The following ZDHHC19 variants were observed in gnomAD, a reference collection of about 807,000 sequenced individuals.
ZDHHC19 encodes zDHHC palmitoyltransferase 19.
A neutral mutation model predicts 33.9 loss-of-function variants in ZDHHC19; 30 were observed. The ratio of observed to expected loss-of-function variants is 0.88; its 90% CI spans 0.66 to 1.20. The LOEUF is 1.20. ZDHHC19 is among the 50% of genes most tolerant of loss of function. ZDHHC19 has a pLI of 0.00. For missense variants in ZDHHC19, 364 were observed against 401.1 expected, an observed-to-expected ratio of 0.91 and a Z score of 0.79; for synonymous variants, 178 against 167.6, an observed-to-expected ratio of 1.06 and a Z score of -0.48.
chr3:196,207,212 A>T (rs1009588354), intron 5 of ZDHHC19, among the ~76,000 whole-genome samples, 186 bp downstream of exon 5: 1 of 152,208 alleles, frequency 6.6e-6, no homozygotes, highest in Non-Finnish European at 1.5e-5. Context: ...GGCCCCCAGG[A>T]AGGACAGGGA....
chr3:196,206,531 T>C (rs189195995), intron 5 of ZDHHC19, among the ~76,000 whole-genome samples: 261 of 152,178 alleles, frequency 1.7e-3, no homozygotes, highest in African/African-American at 5.7e-3. Context: ...TTTTTAATTT[T>C]TTGTAGAGAT....
At chr3:196,204,765 C>T (rs759940230) in intron 5 of ZDHHC19, among the ~76,000 whole-genome samples, 4 of 152,132 alleles carry the variant, frequency 2.6e-5, no homozygotes, top group African/African-American at 9.7e-5. Flanking sequence ...GGTAGGAATG[C>T]AAAATAGTAC....
Position 196,198,834 on chromosome 3 carries a change from C to T in ZDHHC19, c.728G>A (p.Cys243Tyr). 7 of 1,614,134 alleles carry T rather than the reference C, an allele frequency of 4.3e-6. No homozygotes were observed. The highest frequency in any genetic ancestry group is 5.9e-6 in the Non-Finnish European group (7 of 1,179,998). Residue 243 changes from cysteine to tyrosine, a missense_variant, in exon 6 of 8, where the codon TGT (cysteine) becomes TAT (tyrosine). Transcript: ENST00000296326. ...LQGYNPFDQG[C>Y]ASNWYLTICA... ...AATTGTTAAATACCAGTTGCTGGCA[C>T]AGCCCTGGTCGAAGGGGTTGTATCC...
intron 5 of ZDHHC19, among the ~76,000 whole-genome samples, chr3:196,206,775 G>T (rs112212659): frequency 2.7e-5 from 4 of 149,282 alleles, no homozygotes; most frequent in African/African-American, 9.9e-5. Context: ...CCGCCTCTCC[G>T]GTTCACGCCA....
intron 5 of ZDHHC19, among the ~76,000 whole-genome samples, chr3:196,201,028 G>A (rs1722296605): frequency 6.6e-6 from 1 of 151,754 alleles, no homozygotes; most frequent in Non-Finnish European, 1.5e-5. Flanking sequence ...ATAGAAAAAT[G>A]CTTAAAGGAA....
chr3:196,205,724 T>A lies in ZDHHC19; in HGVS notation c.687+1674A>T, dbSNP rs567217329. Among the ~76,000 whole-genome samples the A allele has an allele frequency of 3.9e-5, 6 of 152,222 alleles. No individual in the cohort carries two copies. In the South Asian group the frequency reaches 1.2e-3, roughly 32 times the overall value. On this transcript the variant is annotated intron_variant, in intron 5 of 7. Coordinates refer to ENST00000296326, the MANE Select transcript of ZDHHC19 (RefSeq NM_001039617.2). ...TCTCCCAAGCTGGAGTGCAGTGGCA[T>A]GATCTCAGCTCACTGCAGCTTCTGC...
At chr3:196,199,788 AC>A (rs1722103714) in intron 5 of ZDHHC19, 2 of 151,868 alleles carry the variant, frequency 1.3e-5, no homozygotes, top group Admixed American at 1.3e-4. Flanking sequence ...TACTAAAAAT[AC>A]AAAAAATTAG....
In ZDHHC19 at chr3:196,199,806, G is replaced by C. The variant is rs11922691; in HGVS notation, c.688-932C>G. On this transcript the variant is annotated intron_variant, in intron 5 of 7. Transcript: ENST00000296326. ...TAAAAATACAAAAAATTAGCCAGGC[G>C]TGGTGGCGGGTGCCTGTGATCCCAG... Among the ~76,000 whole-genome samples, 5 of 151,712 alleles carry C rather than the reference G, an allele frequency of 3.3e-5. 1 individual carries two copies. Among genetic ancestry groups the C allele is most frequent in the African/African-American group, 1.2e-4 (5 of 41,086 alleles).
At chr3:196,202,362 G>A (rs1002670528) in intron 5 of ZDHHC19, 2 of 152,266 alleles carry the variant, frequency 1.3e-5, no homozygotes, top group African/African-American at 4.8e-5. Flanking sequence ...TGGTCTGAAA[G>A]CAGTGGTTTA....
At chr3:196,198,237 C>T (rs1013850082) in intron 7 of ZDHHC19, 39 bp downstream of exon 7, 8 of 1,443,322 alleles carry the variant, frequency 5.5e-6, no homozygotes, top group African/African-American at 2.9e-5. Flanking sequence ...ACCCCCCTCC[C>T]GACACGCACA....
chr3:196,210,667 A>C lies in ZDHHC19; in HGVS notation c.217T>G (p.Phe73Val). ...AAGTTGAGTGAAACAAGACTGAAGA[A>C]GGTAAGGACAAAGAGGGAGCCTGTG... ...VITGSLFVLT[F>V]FSLVSLNFSD... The change falls in exon 2 of 8, where the codon TTC (phenylalanine) becomes GTC (valine). Residue 73 changes from phenylalanine (F) to valine (V), a missense_variant. Transcript: ENST00000296326. 6.2e-7 allele frequency: 1 copy of C among 1,614,138 alleles called. No individual in the cohort carries two copies. Among genetic ancestry groups the C allele is most frequent in the Non-Finnish European group, 8.5e-7 (1 of 1,180,012 alleles).
At chr3:196,207,074 TGA>T (rs1021538301) in intron 5 of ZDHHC19, among the ~76,000 whole-genome samples, 2 of 152,162 alleles carry the variant, frequency 1.3e-5, no homozygotes, top group African/African-American at 4.8e-5. Flanking sequence ...GCCCCCTCTC[TGA>T]GTGTTCGTGG....
At chr3:196,201,473 AGCACTTTGGAAGG>A (rs1722345814) in intron 5 of ZDHHC19, among the ~76,000 whole-genome samples, 1 of 149,440 alleles carries the variant, frequency 6.7e-6, no homozygotes, top group Non-Finnish European at 1.5e-5. Context: ...CTGTAATCCC[AGCACTTTGGAAGG>A]CCAAGGCGGG....
Position 196,203,744 on chromosome 3 carries a change from A to G in ZDHHC19, c.687+3654T>C, listed in dbSNP as rs1326711452. Among the ~76,000 whole-genome samples the G allele has an allele frequency of 6.6e-6, 1 of 152,198 alleles. No homozygotes were observed. The highest frequency in any genetic ancestry group is 2.4e-5 in the African/African-American group (1 of 41,440). On this transcript the variant is annotated intron_variant, in intron 5 of 7. Transcript: ENST00000296326. The surrounding 1 kb of genome is among the most constrained non-coding windows in gnomAD (Gnocchi z 4.3). ...CGAAGGCTGCCCAGAAAAGGCTGAA[A>G]CGATGCACTGAGGCTGGGGAGGGTC...
rs556988075 is a variant in ZDHHC19, at chr3:196,201,166, G to A, written c.688-2292C>T. Among the ~76,000 whole-genome samples the A allele has an allele frequency of 8.6e-4, 131 of 151,464 alleles. 3 individuals are homozygous for A. Among genetic ancestry groups the A allele is most frequent in the African/African-American group, 3.0e-3 (123 of 41,024 alleles). Reference sequence around the variant, plus strand: ...TGGCTCACTGCAACCTCCGCCTCCCGGGTTCAAGCGATTCTTCTGCTTCAG... The same window carrying A: ...TGGCTCACTGCAACCTCCGCCTCCCAGGTTCAAGCGATTCTTCTGCTTCAG... On this transcript the variant is annotated intron_variant, in intron 5 of 7. Transcript: ENST00000296326.
chr3:196,208,412 G>C lies in ZDHHC19; in HGVS notation c.557C>G (p.Pro186Arg). Residue 186 changes from proline (P) to arginine (R), a missense_variant, in exon 4 of 8, where the codon CCC becomes CGC. Coordinates refer to ENST00000296326, the MANE Select transcript of ZDHHC19 (RefSeq NM_001039617.2). Reference sequence around the variant, plus strand: ...CGCGATGGCCTTGTCGGTGGAGAAGGGCAGGTGGGTTGTGCGCACCAGGAA... The same window carrying C: ...CGCGATGGCCTTGTCGGTGGAGAAGCGCAGGTGGGTTGTGCGCACCAGGAA... ...LIFLVRTTHLPFSTDKAIAIV... is the reference protein window; with the variant it reads ...LIFLVRTTHLRFSTDKAIAIV... 6.2e-7 allele frequency: 1 copy of C among 1,614,146 alleles called. No homozygotes were observed. The highest frequency in any genetic ancestry group is 8.5e-7 in the Non-Finnish European group (1 of 1,180,008).
At position 196,197,694 on chromosome 3, in the gene ZDHHC19, AGCAGCAGGG is replaced by A. The variant is rs1444230903; in HGVS notation, c.*42_*50del. The stretch of plus-strand genomic sequence containing the variant: ...CCGAACCTCGCCTGGGGGCTCCTGC[AGCAGCAGGG>A]GCAGCACTGGGCCCGTGTGGAACTA... On this transcript the variant is annotated 3_prime_UTR_variant, in exon 8 of 8. Transcript: ENST00000296326. This position sits in a 1 kb window ranked among gnomAD's most constrained non-coding sequence, Gnocchi z 4.4. The A allele has an allele frequency of 6.6e-6, 1 of 152,568 alleles. No homozygotes were observed. Among genetic ancestry groups the A allele is most frequent in the African/African-American group, 2.4e-5 (1 of 41,426 alleles). The allele number at this position is 152,568 out of a possible 1,614,324, so 9.5% of individuals were successfully genotyped here.
intron 5 of ZDHHC19, among the ~76,000 whole-genome samples, chr3:196,202,765 A>G (rs944723781): frequency 1.3e-5 from 2 of 152,218 alleles, no homozygotes; most frequent in Non-Finnish European, 2.9e-5. Flanking sequence ...TGAGAGCAGC[A>G]TCCGTGTGAC....
At chr3:196,209,983 A>G (rs1324003706) in intron 2 of ZDHHC19, among the ~76,000 whole-genome samples, 1 of 152,202 alleles carries the variant, frequency 6.6e-6, no homozygotes, top group Non-Finnish European at 1.5e-5. Flanking sequence ...TGAGGTCAGG[A>G]GTTCGAGACC....
Sources: allele counts gnomAD v4.1 joint callset (sites outside exome capture counted in the v4.1 genomes callset), GRCh38; gene constraint gnomAD v4.1.1; non-coding constraint Gnocchi (gnomAD v3.1); transcripts MANE v1.5; gene names NCBI Gene and HGNC (gene_info 2026-07-23, HGNC 2026-07-21).